The following SLC43A2 variants were observed in gnomAD, a reference collection of about 807,000 sequenced individuals.
SLC43A2 encodes the protein large neutral amino acids transporter small subunit 4.
Under a neutral mutation model 63.2 loss-of-function variants are expected in SLC43A2, and 38 were observed. The observed-to-expected ratio is 0.60, with a 90% CI of 0.46 to 0.79. The LOEUF is 0.79. Ranked by LOEUF, SLC43A2 falls within the 30% of genes least tolerant of loss-of-function variation. The pLI is 0.00. For synonymous variants in SLC43A2, 322 were observed against 331.0 expected, an observed-to-expected ratio of 0.97 and a Z score of 0.30; for missense variants, 644 against 756.2, an observed-to-expected ratio of 0.85 and a Z score of 1.74.
At chr17:1,610,577 TA>T (rs1906999677) in intron 5 of SLC43A2, among the ~76,000 whole-genome samples, 1 of 150,542 alleles carries the variant, frequency 6.6e-6, no homozygotes, top group South Asian at 2.1e-4. Flanking sequence ...CCTGAATTTT[TA>T]AAATAAAATC....
chr17:1,621,137 C>T (rs1053009637), intron 2 of SLC43A2, among the ~76,000 whole-genome samples: 1 of 152,166 alleles, frequency 6.6e-6, no homozygotes, highest in Non-Finnish European at 1.5e-5. Context: ...GGACGTACAC[C>T]GTTCAGCCCC....
intron 5 of SLC43A2, among the ~76,000 whole-genome samples, chr17:1,608,377 T>C (rs1906801419): frequency 6.6e-6 from 1 of 151,908 alleles, no homozygotes; most frequent in Non-Finnish European, 1.5e-5. Flanking sequence ...GAAACGCTCC[T>C]GCCACAGTGG....
intron 4 of SLC43A2, among the ~76,000 whole-genome samples, 166 bp downstream of exon 4, chr17:1,614,813 C>T (rs907597582): frequency 6.6e-6 from 1 of 151,970 alleles, no homozygotes; most frequent in East Asian, 1.9e-4. Flanking sequence ...CTGATCTCGC[C>T]GTCTATTTGA....
chr17:1,615,083 A>C, intron 3 of SLC43A2, 49 bp from the exon 4 acceptor site: 1 of 1,605,636 alleles, frequency 6.2e-7, no homozygotes, highest in Non-Finnish European at 8.5e-7. Flanking sequence ...GACTTTATTC[A>C]GTGTTATTGT....
At chr17:1,599,001 C>T (rs1339994802) in intron 5 of SLC43A2, among the ~76,000 whole-genome samples, 1 of 152,218 alleles carries the variant, frequency 6.6e-6, no homozygotes, top group Non-Finnish European at 1.5e-5. Context: ...CACTAGGTAG[C>T]CTTCAAACCA....
At chr17:1,611,496 G>A (rs968475806) in intron 5 of SLC43A2, among the ~76,000 whole-genome samples, 4 of 152,052 alleles carry the variant, frequency 2.6e-5, no homozygotes, top group East Asian at 3.9e-4. Context: ...TTAGCGAGGC[G>A]TGATGGTGCA....
At chr17:1,584,307 G>A (rs953153924) in intron 10 of SLC43A2, among the ~76,000 whole-genome samples, 2 of 152,108 alleles carry the variant, frequency 1.3e-5, no homozygotes, top group African/African-American at 4.8e-5. Context: ...AGATGTGCAG[G>A]GAGTCCCAGG....
In SLC43A2 at chr17:1,576,719, AC is replaced by A. The variant is rs775131244; in HGVS notation, c.1425del (p.Tyr476ThrfsTer15). 117 of 1,609,000 alleles carry A rather than the reference AC, an allele frequency of 7.3e-5. No homozygotes were observed. Among genetic ancestry groups the A allele is most frequent in the Non-Finnish European group, 9.9e-5 (117 of 1,179,794 alleles). On this transcript the variant is annotated frameshift_variant and splice_region_variant, in exon 13 of 14. Transcript: ENST00000301335. LOFTEE classifies it high-confidence loss of function. ...AGGCTGCCGAACTGGGTGGAGGGGT[AC>A]CTGCAGGGCAAGCGACAGCTCACAG... ...HSAVGGLYAAVYPSTQFGSLT... is the reference protein window; with the variant it reads ...HSAVGGLYAAXYPSTQFGSLT...
Sources: gnomAD v4.1 joint callset for allele counts (sites outside exome capture counted in the v4.1 genomes callset) on GRCh38, gnomAD v4.1.1 for gene constraint, MANE v1.5 for transcripts, NCBI Gene and HGNC (gene_info 2026-07-23, HGNC 2026-07-21) for gene names.